Variants in ATXN1 observed in about 807,000 individuals in gnomAD.
The protein encoded by ATXN1 is ataxin-1.
ATXN1 carries 8 observed loss-of-function variants against 56.4 expected under a neutral mutation model. The observed-to-expected ratio is 0.14, with a 90% CI of 0.08 to 0.26. The LOEUF (loss-of-function observed/expected upper bound fraction) is 0.26. Among genes scored for constraint, ATXN1 ranks in the 10% least tolerant of loss-of-function variants. The pLI, the probability that ATXN1 is intolerant of heterozygous loss-of-function variation, is 1.00. For missense variants in ATXN1, 987 were observed against 1,106.5 expected, an observed-to-expected ratio of 0.89 and a Z score of 1.53; for synonymous variants, 514 against 494.6, an observed-to-expected ratio of 1.04 and a Z score of -0.52.
At chr6:16,757,425 G>A (rs1760919573) in intron 1 of ATXN1, among the ~76,000 whole-genome samples, 1 of 152,210 alleles carries the variant, frequency 6.6e-6, no homozygotes, top group Non-Finnish European at 1.5e-5. Flanking sequence ...CCAAGGCATT[G>A]TGTAATATTG....
At chr6:16,492,375 GTAAC>G (rs1296763671) in intron 5 of ATXN1, among the ~76,000 whole-genome samples, 2 of 151,738 alleles carry the variant, frequency 1.3e-5, no homozygotes, top group Non-Finnish European at 2.9e-5. Flanking sequence ...GTATACATAT[GTAAC>G]TAACCTGCAC....
intron 5 of ATXN1, among the ~76,000 whole-genome samples, chr6:16,487,864 G>A (rs1287396963): frequency 1.3e-5 from 2 of 152,200 alleles, no homozygotes; most frequent in Non-Finnish European, 2.9e-5. Flanking sequence ...GAACAGGAAA[G>A]TCAAAAATGA....
intron 2 of ATXN1, among the ~76,000 whole-genome samples, chr6:16,678,974 T>A (rs905787102): frequency 6.6e-6 from 1 of 150,756 alleles, no homozygotes; most frequent in South Asian, 2.1e-4. Context: ...AGACAGAGGT[T>A]GCGGTAAGCC....
At chr6:16,445,733 C>G (rs1269016318) in intron 6 of ATXN1, among the ~76,000 whole-genome samples, 1 of 132,964 alleles carries the variant, frequency 7.5e-6, no homozygotes, top group African/African-American at 2.8e-5. Context: ...TCCATGTGTT[C>G]TCATTGTTCA....
intron 2 of ATXN1, among the ~76,000 whole-genome samples, chr6:16,671,145 A>G (rs1415798609): frequency 1.1e-4 from 17 of 152,238 alleles, no homozygotes; most frequent in Admixed American, 1.1e-3. Flanking sequence ...ATAATTGTCC[A>G]AATGTTGCTC....
At chr6:16,558,954 T>C (rs1762065499) in intron 4 of ATXN1, among the ~76,000 whole-genome samples, 1 of 151,150 alleles carries the variant, frequency 6.6e-6, no homozygotes, top group Non-Finnish European at 1.5e-5. Flanking sequence ...ACCAAAAACG[T>C]AGTAGAAAAA....
In ATXN1 at chr6:16,593,899, A is replaced by AAT. The variant is rs527286783; in HGVS notation, c.-488-7994_-488-7993dup. 3.7e-3 allele frequency among the ~76,000 whole-genome samples: 537 copies of AAT among 144,688 alleles called. 1 individual carries two copies. Among genetic ancestry groups the AAT allele is most frequent in the South Asian group, 8.8e-3 (41 of 4,656 alleles). 94.9% of individuals were successfully genotyped at this position (144,688 alleles called of 152,430 possible). ...TATATATAAAGGTTCTCAATAGACTAATATATATATATATTAGTCTGGAGA... is the reference window on the plus strand; with the variant it reads ...TATATATAAAGGTTCTCAATAGACTAATATATATATATATATTAGTCTGGAGA... On this transcript the variant is annotated intron_variant, in intron 3 of 7. Transcript: ENST00000436367.
rs1490225159 is a variant in ATXN1 at position 16,444,180 on chromosome 6, T to A, written c.-161+41792A>T. Among the ~76,000 whole-genome samples, 4 of 151,650 alleles carry A rather than the reference T, an allele frequency of 2.6e-5. 1 individual carries two copies. The highest frequency in any genetic ancestry group is 4.4e-5 in the Non-Finnish European group (3 of 67,956). ...TATATCTAGAGAGACACAGATTTCC[T>A]ATCACTGGCTGTGTCCACTGGAAAG... is the stretch of plus-strand genomic sequence containing the variant. On this transcript the variant is annotated intron_variant, in intron 6 of 7. Transcript: ENST00000436367.
At chr6:16,429,523 T>C (rs1045158479) in intron 6 of ATXN1, among the ~76,000 whole-genome samples, 1 of 150,534 alleles carries the variant, frequency 6.6e-6, no homozygotes, top group African/African-American at 2.4e-5. Context: ...GTTCAAGTGA[T>C]TCTCATGCCT....
chr6:16,718,735 T>G (rs570950736), intron 2 of ATXN1, among the ~76,000 whole-genome samples: 1 of 152,356 alleles, frequency 6.6e-6, no homozygotes, highest in African/African-American at 2.4e-5. Context: ...TTTCCCCTGC[T>G]GTTTAGTTTT....
intron 5 of ATXN1, among the ~76,000 whole-genome samples, chr6:16,495,864 C>G (rs1760770744): frequency 1.3e-5 from 2 of 148,200 alleles, no homozygotes; most frequent in African/African-American, 5.0e-5. Context: ...CTCTCTCTCT[C>G]TCTCTCAAAA....
chr6:16,427,587 C>T (rs1759184196), intron 6 of ATXN1, among the ~76,000 whole-genome samples: 2 of 152,144 alleles, frequency 1.3e-5, no homozygotes, highest in Non-Finnish European at 2.9e-5. Flanking sequence ...TTTCATTTGC[C>T]TGATTTGTTG....
chr6:16,315,659 C>T (rs576133345), intron 7 of ATXN1, among the ~76,000 whole-genome samples: 1 of 152,214 alleles, frequency 6.6e-6, no homozygotes, highest in South Asian at 2.1e-4. Flanking sequence ...CTCTAGTTTC[C>T]ATAGCTTCCT....
At chr6:16,744,477 T>A (rs1413327874) in intron 2 of ATXN1, among the ~76,000 whole-genome samples, 3 of 152,006 alleles carry the variant, frequency 2.0e-5, no homozygotes, top group Admixed American at 6.6e-5. Flanking sequence ...TCAGGGAGGC[T>A]GCCAGACATG....
At chr6:16,656,088 CAAA>C (rs35745288) in intron 3 of ATXN1, among the ~76,000 whole-genome samples, 2 of 125,676 alleles carry the variant, frequency 1.6e-5, no homozygotes, top group Non-Finnish European at 1.7e-5. Flanking sequence ...GACTCCATCT[CAAA>C]AAAAAAAAAA....
intron 3 of ATXN1, among the ~76,000 whole-genome samples, chr6:16,634,223 T>C (rs16878696): frequency 0.17 from 25,194 of 152,148 alleles, 3,928 homozygotes; most frequent in African/African-American, 0.41. Flanking sequence ...CTGGCATCCA[T>C]GCAATCAATA....
intron 3 of ATXN1, among the ~76,000 whole-genome samples, chr6:16,634,606 C>A (rs1763561349): frequency 6.6e-6 from 1 of 152,166 alleles, no homozygotes; most frequent in Non-Finnish European, 1.5e-5. Flanking sequence ...GCCTCTGCAA[C>A]CCCCAAACTA....
At chr6:16,321,135 G>A (rs1234188807) in intron 7 of ATXN1, among the ~76,000 whole-genome samples, 1 of 152,188 alleles carries the variant, frequency 6.6e-6, no homozygotes, top group Non-Finnish European at 1.5e-5. Context: ...GATCTCTTCA[G>A]TGCCAGTTCC....
At chr6:16,340,632 T>C (rs1044841349) in intron 6 of ATXN1, among the ~76,000 whole-genome samples, 2 of 152,240 alleles carry the variant, frequency 1.3e-5, no homozygotes, top group African/African-American at 2.4e-5. Context: ...CCCCTGAACT[T>C]GCAATTCGTG....
Sources: gnomAD v4.1 joint callset for allele counts (sites outside exome capture counted in the v4.1 genomes callset) on GRCh38, gnomAD v4.1.1 for gene constraint, MANE v1.5 for transcripts, NCBI Gene and HGNC (gene_info 2026-07-23, HGNC 2026-07-21) for gene names.